The following CDH8 variants were observed in gnomAD, a reference collection of about 807,000 sequenced individuals.
CDH8 encodes cadherin-8.
A neutral mutation model predicts 68.1 loss-of-function variants in CDH8; 17 were observed. That is an observed-to-expected ratio of 0.25 (90% CI 0.17 to 0.37). The LOEUF (loss-of-function observed/expected upper bound fraction) is 0.37. Among genes scored for constraint, CDH8 ranks in the 10% least tolerant of loss-of-function variants. The pLI, the probability that CDH8 is intolerant of heterozygous loss-of-function variation, is 1.00. For synonymous variants in CDH8, 372 were observed against 365.1 expected (o/e 1.02, Z -0.21); for missense variants, 763 against 999.3 (o/e 0.76, Z 3.19).
At chr16:61,918,880 A>C (rs550264994) in intron 2 of CDH8, among the ~76,000 whole-genome samples, 2 of 150,700 alleles carry the variant, frequency 1.3e-5, no homozygotes, top group Admixed American at 6.7e-5. Context: ...GACAAACAAA[A>C]AGACAGCAGT....
chr16:61,731,799 C>T (rs904616203), intron 8 of CDH8, among the ~76,000 whole-genome samples: 2 of 151,520 alleles, frequency 1.3e-5, no homozygotes, highest in Non-Finnish European at 2.9e-5. Context: ...TGAGAGTGAC[C>T]ATATGTCAGA....
At chr16:61,942,698 C>T (rs1964743036) in intron 2 of CDH8, among the ~76,000 whole-genome samples, 1 of 152,200 alleles carries the variant, frequency 6.6e-6, no homozygotes, top group Non-Finnish European at 1.5e-5. Context: ...CACCTTGTTC[C>T]TTGTTAAAGA....
chr16:61,770,096 C>T (rs1024968462), intron 8 of CDH8, among the ~76,000 whole-genome samples: 7 of 151,764 alleles, frequency 4.6e-5, no homozygotes, highest in African/African-American at 1.7e-4. Flanking sequence ...CCTTGTGTCC[C>T]GGCTTTCCTG....
chr16:61,874,713 G>A (rs930588919), intron 3 of CDH8, among the ~76,000 whole-genome samples: 8 of 152,084 alleles, frequency 5.3e-5, no homozygotes, highest in African/African-American at 1.9e-4. Flanking sequence ...CCCCAATTGA[G>A]AATATTATCT....
intron 9 of CDH8, among the ~76,000 whole-genome samples, chr16:61,724,777 C>T (rs866595116): frequency 4.6e-5 from 7 of 150,846 alleles, no homozygotes; most frequent in African/African-American, 1.7e-4. Flanking sequence ...GTGAGTCAGT[C>T]ATTTGTGTGG....
At position 61,891,716 on chromosome 16, in the gene CDH8, T is replaced by C. The variant is rs187413643; in HGVS notation, c.547+9463A>G. 5.2e-3 allele frequency among the ~76,000 whole-genome samples: 790 copies of C among 152,304 alleles called. 6 individuals carry two copies. Among genetic ancestry groups the C allele is most frequent in the Middle Eastern group, 6.8e-3 (2 of 294 alleles). ...AGCTGCCTTAGTCATTCGTATCAGG[T>C]AGAACAGCTAGATTTCTTTTGAAAG... On this transcript the variant is annotated intron_variant, in intron 3 of 11. Transcript: ENST00000577390.
intron 8 of CDH8, among the ~76,000 whole-genome samples, chr16:61,753,842 G>C (rs1960237760): frequency 6.6e-6 from 1 of 151,988 alleles, no homozygotes; most frequent in Non-Finnish European, 1.5e-5. Context: ...AGTGGAGGTA[G>C]AAAAAGTAAT....
At chr16:61,820,839 G>A (rs947375571) in intron 6 of CDH8, 87 bp downstream of exon 6, 24 of 1,119,508 alleles carry the variant, frequency 2.1e-5, no homozygotes, top group South Asian at 4.3e-5. Flanking sequence ...GTGCAATTCT[G>A]CCAGGAACTC....
intron 9 of CDH8, among the ~76,000 whole-genome samples, chr16:61,721,840 A>G (rs1959220962): frequency 6.6e-6 from 1 of 150,748 alleles, no homozygotes; most frequent in African/African-American, 2.4e-5. Context: ...TTTTCATGGT[A>G]AATCTTAAGT....
At chr16:61,769,609 G>A (rs1162448026) in intron 8 of CDH8, among the ~76,000 whole-genome samples, 1 of 151,114 alleles carries the variant, frequency 6.6e-6, no homozygotes, top group Non-Finnish European at 1.5e-5. Context: ...ATGATGTTCA[G>A]AGGTACAATT....
chr16:61,979,372 CTT>C (rs541011918), intron 2 of CDH8, among the ~76,000 whole-genome samples: 149 of 152,234 alleles, frequency 9.8e-4, no homozygotes, highest in Middle Eastern at 3.4e-3. Flanking sequence ...AAATAAAAAA[CTT>C]TTATTTACAG....
chr16:61,783,818 T>A (rs1961155422), intron 8 of CDH8, among the ~76,000 whole-genome samples: 2 of 152,122 alleles, frequency 1.3e-5, no homozygotes, highest in Non-Finnish European at 2.9e-5. Flanking sequence ...AACCCAGAAT[T>A]TCATGTCCAG....
At chr16:61,799,154 C>T (rs1961562677) in intron 7 of CDH8, among the ~76,000 whole-genome samples, 1 of 152,122 alleles carries the variant, frequency 6.6e-6, no homozygotes, top group African/African-American at 2.4e-5. Context: ...CCAGCAATGC[C>T]AGGGGCAATC....
chr16:61,949,135 C>T (rs1309198504), intron 2 of CDH8, among the ~76,000 whole-genome samples: 3 of 152,126 alleles, frequency 2.0e-5, no homozygotes, highest in African/African-American at 4.8e-5. Context: ...TTCACATTGT[C>T]GCAGCCGCCA....
intron 2 of CDH8, among the ~76,000 whole-genome samples, chr16:61,938,374 T>G (rs1253223310): frequency 6.6e-6 from 1 of 152,140 alleles, no homozygotes; most frequent in African/African-American, 2.4e-5. Flanking sequence ...ACTCCTTGCA[T>G]TTAGATATTA....
chr16:61,969,523 A>G (rs1192388842), intron 2 of CDH8, among the ~76,000 whole-genome samples: 2 of 152,210 alleles, frequency 1.3e-5, no homozygotes, highest in Admixed American at 6.5e-5. Context: ...CTAACAGACT[A>G]TTTCGGTCAG....
chr16:61,653,436 C>CT lies in CDH8; in HGVS notation c.*171dup, dbSNP rs1033662641. The CT allele has an allele frequency of 5.7e-6, 8 of 1,412,520 alleles. No individual in the cohort carries two copies. The highest frequency in any genetic ancestry group is 2.9e-5 in the African/African-American group (2 of 68,648). The allele number at this position is 1,412,520 out of a possible 1,614,324, so 87.5% of individuals were successfully genotyped here. On this transcript the variant is annotated 3_prime_UTR_variant, in exon 12 of 12. Coordinates refer to ENST00000577390, the MANE Select transcript of CDH8 (RefSeq NM_001796.5). Reference sequence around the variant, plus strand: ...AAGATTTATAACCTCCTAACATATACTTTTTTATTTTATTATCTTTTTTTG... The same window carrying CT: ...AAGATTTATAACCTCCTAACATATACTTTTTTTATTTTATTATCTTTTTTTG...
chr16:61,649,719 G>C lies in CDH8; in HGVS notation c.*3889C>G, dbSNP rs117893509. On this transcript the variant is annotated 3_prime_UTR_variant, in exon 12 of 12. Coordinates refer to ENST00000577390, the MANE Select transcript of CDH8 (RefSeq NM_001796.5). Reference sequence around the variant, plus strand: ...GAGATTCCCTGCAAAGCCAGTGATCGCATAATACAACTTGTTGGAAGGGCC... The same window carrying C: ...GAGATTCCCTGCAAAGCCAGTGATCCCATAATACAACTTGTTGGAAGGGCC... The C allele has an allele frequency of 6.6e-6, 1 of 152,076 alleles. No individual in the cohort carries two copies. Among genetic ancestry groups the C allele is most frequent in the African/African-American group, 2.4e-5 (1 of 41,512 alleles). 9.4% of individuals were successfully genotyped at this position (152,076 alleles called of 1,614,324 possible).
In CDH8 at chr16:61,956,919, A is replaced by G. The variant is rs567466193; in HGVS notation, c.253-55446T>C. Among the ~76,000 whole-genome samples, 7 of 152,292 alleles carry G rather than the reference A, an allele frequency of 4.6e-5. No individual in the cohort carries two copies. In the South Asian group the frequency reaches 1.2e-3, roughly 27 times the overall value. ...ATCCTCCTTGTGGTCAAAATAGTCC[A>G]TATTCCTAGGTCAGTCCTTGTGTTC... On this transcript the variant is annotated intron_variant, in intron 2 of 11. Transcript: ENST00000577390.
Sources: gnomAD v4.1 joint callset for allele counts (sites outside exome capture counted in the v4.1 genomes callset) on GRCh38, gnomAD v4.1.1 for gene constraint, MANE v1.5 for transcripts, NCBI Gene and HGNC (gene_info 2026-07-23, HGNC 2026-07-21) for gene names.